OPCML: variants seen among roughly 807,000 people sequenced by gnomAD.
OPCML encodes opioid binding protein/cell adhesion molecule like.
A neutral mutation model predicts 37.8 loss-of-function variants in OPCML; 13 were observed. The observed-to-expected ratio is 0.34, with a 90% CI of 0.22 to 0.55. The LOEUF (loss-of-function observed/expected upper bound fraction) is 0.55, where lower values mean the gene tolerates loss of function less well. Ranked by LOEUF, OPCML falls within the 20% of genes least tolerant of loss-of-function variation. OPCML has a pLI of 0.91. For synonymous variants in OPCML, 176 were observed against 168.8 expected (o/e 1.04, Z -0.33); for missense variants, 341 against 435.6 (o/e 0.78, Z 1.93).
chr11:133,226,566 G>C (rs1940048370), intron 1 of OPCML, among the ~76,000 whole-genome samples: 1 of 152,174 alleles, frequency 6.6e-6, no homozygotes, highest in Non-Finnish European at 1.5e-5. Context: ...TCCTGTTCAT[G>C]GCCAGCTCAG....
intron 1 of OPCML, among the ~76,000 whole-genome samples, chr11:132,953,930 G>A (rs1475755183): frequency 1.3e-5 from 2 of 152,184 alleles, no homozygotes; most frequent in East Asian, 1.9e-4. Context: ...TCCATGACTG[G>A]CTGCTCCTTA....
chr11:133,471,311 A>C (rs1947108186), intron 1 of OPCML, among the ~76,000 whole-genome samples: 1 of 152,218 alleles, frequency 6.6e-6, no homozygotes, highest in Non-Finnish European at 1.5e-5. Context: ...AGGAATATGT[A>C]AAATAGAGTG....
intron 1 of OPCML, among the ~76,000 whole-genome samples, chr11:133,355,741 G>A (rs978863555): frequency 6.6e-6 from 1 of 152,066 alleles, no homozygotes; most frequent in African/African-American, 2.4e-5. Flanking sequence ...AAACCAAGAT[G>A]GTAGCTGATA....
At chr11:133,005,242 G>A in intron 1 of OPCML, 1 of 985,402 alleles carries the variant, frequency 1.0e-6, no homozygotes, top group Non-Finnish European at 1.2e-6. Context: ...GATTTTAAAA[G>A]ATTGATAGTG....
At chr11:133,435,819 C>T (rs1946221764) in intron 1 of OPCML, among the ~76,000 whole-genome samples, 1 of 152,190 alleles carries the variant, frequency 6.6e-6, no homozygotes, top group African/African-American at 2.4e-5. Context: ...TAGCCATTTC[C>T]ACTCTAGCCC....
chr11:132,647,752 T>G (rs977116200), intron 3 of OPCML, among the ~76,000 whole-genome samples: 1 of 152,088 alleles, frequency 6.6e-6, no homozygotes, highest in Non-Finnish European at 1.5e-5. Context: ...AATTCACATA[T>G]AAGTGGAACT....
At chr11:133,002,765 A>T (rs1016116855) in intron 1 of OPCML, among the ~76,000 whole-genome samples, 3 of 80,056 alleles carry the variant, frequency 3.7e-5, no homozygotes, top group Admixed American at 2.7e-4. Context: ...GAGAAGAAGG[A>T]CAAAGGAAAG....
chr11:133,457,556 T>C (rs1565644108), intron 1 of OPCML, among the ~76,000 whole-genome samples: 1 of 151,882 alleles, frequency 6.6e-6, no homozygotes, highest in Non-Finnish European at 1.5e-5. Flanking sequence ...TCTTTTTATT[T>C]TTTTATGTTT....
chr11:133,085,029 C>A (rs539427852), intron 1 of OPCML, among the ~76,000 whole-genome samples: 2 of 152,300 alleles, frequency 1.3e-5, no homozygotes, highest in South Asian at 4.1e-4. Context: ...ACTTACTTTT[C>A]TAAGTTTATC....
At chr11:133,274,166 G>A (rs1454626853) in intron 1 of OPCML, among the ~76,000 whole-genome samples, 1 of 152,102 alleles carries the variant, frequency 6.6e-6, no homozygotes, top group African/African-American at 2.4e-5. Flanking sequence ...TTATTCACAT[G>A]TTCATTACTG....
intron 4 of OPCML, among the ~76,000 whole-genome samples, chr11:132,483,926 T>C (rs1156913017): frequency 1.3e-5 from 2 of 152,036 alleles, no homozygotes; most frequent in Non-Finnish European, 2.9e-5. Flanking sequence ...TCAAGATGGA[T>C]TAAAGACTTA....
chr11:133,293,699 A>G (rs1424551881), intron 1 of OPCML, among the ~76,000 whole-genome samples: 1 of 152,130 alleles, frequency 6.6e-6, no homozygotes, highest in African/African-American at 2.4e-5. Context: ...ACCCCAAAGA[A>G]GAAAGGATCA....
intron 1 of OPCML, among the ~76,000 whole-genome samples, chr11:133,414,483 G>A (rs1262857179): frequency 6.6e-6 from 1 of 151,994 alleles, no homozygotes; most frequent in Non-Finnish European, 1.5e-5. Flanking sequence ...AGACCTAGTG[G>A]GCTGTTGTCA....
chr11:133,254,726 G>T (rs958403819), intron 1 of OPCML, among the ~76,000 whole-genome samples: 1 of 152,194 alleles, frequency 6.6e-6, no homozygotes, highest in African/African-American at 2.4e-5. Flanking sequence ...TTAAACTTGG[G>T]CAATTGTGTG....
intron 2 of OPCML, among the ~76,000 whole-genome samples, chr11:132,863,115 C>T (rs1488681457): frequency 7.2e-5 from 11 of 152,090 alleles, no homozygotes; most frequent in Admixed American, 7.2e-4. Context: ...ACCCTTCCTG[C>T]CTGTAGCTAC....
At chr11:132,663,512 C>T (rs546417537) in intron 2 of OPCML, among the ~76,000 whole-genome samples, 2 of 152,152 alleles carry the variant, frequency 1.3e-5, no homozygotes, top group Non-Finnish European at 2.9e-5. Flanking sequence ...TGTGGTATGA[C>T]AACAATTAAA....
At chr11:132,576,535 T>C (rs951047562) in intron 3 of OPCML, among the ~76,000 whole-genome samples, 2 of 152,202 alleles carry the variant, frequency 1.3e-5, no homozygotes, top group African/African-American at 4.8e-5. Flanking sequence ...GTTCATCCAT[T>C]GTTACATTGA....
intron 3 of OPCML, among the ~76,000 whole-genome samples, chr11:132,552,761 C>CCCTTTTTTTTTTTTTTTTTT (rs1337627753): frequency 8.9e-5 from 6 of 67,474 alleles, no homozygotes; most frequent in African/African-American, 4.3e-4. Flanking sequence ...TTAAACACTA[C>CCCTTTTTTTTTTTTTTTTTT]TCTTTTTTTT....
chr11:132,974,059 T>TA, intron 1 of OPCML, among the ~76,000 whole-genome samples: 1 of 152,336 alleles, frequency 6.6e-6, no homozygotes, highest in South Asian at 2.1e-4. Flanking sequence ...CCTCCTCGCA[T>TA]AATCACTCAT....
Sources: allele counts gnomAD v4.1 joint callset (sites outside exome capture counted in the v4.1 genomes callset), GRCh38; gene constraint gnomAD v4.1.1; transcripts MANE v1.5; gene names NCBI Gene and HGNC (gene_info 2026-07-23, HGNC 2026-07-21).